The following CDKL5 variants were observed in gnomAD, a reference collection of about 807,000 sequenced individuals.
The protein encoded by CDKL5 is cyclin dependent kinase like 5.
A neutral mutation model predicts 61.7 loss-of-function variants in CDKL5; 8 were observed. The ratio of observed to expected loss-of-function variants is 0.13; its 90% CI spans 0.08 to 0.23. CDKL5 has a LOEUF of 0.23. CDKL5 is among the 10% of genes least tolerant of loss of function. The probability of loss-of-function intolerance (pLI) is 1.00; values close to 1 mark genes in which losing one functional copy is unlikely to be tolerated. For synonymous variants in CDKL5, 275 were observed against 272.3 expected (o/e 1.01, Z -0.10); for missense variants, 440 against 734.5 (o/e 0.60, Z 4.63).
intron 3 of CDKL5, among the ~76,000 whole-genome samples, chrX:18,541,958 C>G (rs1394198106): frequency 8.9e-6 from 1 of 111,943 alleles, no homozygotes; most frequent in Non-Finnish European, 1.9e-5. Flanking sequence ...ATTCTAACAT[C>G]TCTACAGTCT....
chrX:18,484,440 C>T (rs1921712645), intron 1 of CDKL5, among the ~76,000 whole-genome samples: 1 of 109,805 alleles, frequency 9.1e-6, no homozygotes, highest in Non-Finnish European at 1.9e-5. Flanking sequence ...GCCTCAGCCT[C>T]CTGAGTAGCT....
chrX:18,468,508 C>T (rs1260938622), intron 1 of CDKL5, among the ~76,000 whole-genome samples: 2 of 111,914 alleles, frequency 1.8e-5, no homozygotes, highest in African/African-American at 3.2e-5. Flanking sequence ...AGGGATCCAG[C>T]GGTGGGCCTT....
In CDKL5 at chrX:18,635,060, G is replaced by A. The variant is rs759402514; in HGVS notation, c.*6303G>A. 1.4e-4 allele frequency: 106 copies of A among 743,562 alleles called. No homozygotes were observed. The highest frequency in any genetic ancestry group is 1.6e-4 in the Non-Finnish European group (103 of 633,570). The allele number at this position is 743,562 out of a possible 1,213,427, so 61.3% of individuals were successfully genotyped here. On this transcript the variant is annotated 3_prime_UTR_variant, in exon 18 of 18. Coordinates refer to ENST00000623535, the MANE Select transcript of CDKL5 (RefSeq NM_001323289.2). ...ATTCCATACTTTTTACTGTGGCAAGGGTGTGATGTGATTGTTAATCTTTTT... is the reference window on the plus strand; with the variant it reads ...ATTCCATACTTTTTACTGTGGCAAGAGTGTGATGTGATTGTTAATCTTTTT...
intron 1 of CDKL5, among the ~76,000 whole-genome samples, chrX:18,495,955 C>G (rs777349385): frequency 1.8e-5 from 2 of 112,287 alleles, no homozygotes; most frequent in South Asian, 7.4e-4. Context: ...AGAGCAGGAG[C>G]ATGGTCCATG....
intron 20 of CDKL5, chrX:18,647,459 G>C: frequency 2.9e-6 from 2 of 690,776 alleles, no homozygotes; most frequent in South Asian, 4.7e-5. Flanking sequence ...ACCTGTCTCT[G>C]TGGTTCACAA....
chrX:18,557,144 G>A (rs1034317711), intron 3 of CDKL5, among the ~76,000 whole-genome samples: 2 of 111,450 alleles, frequency 1.8e-5, no homozygotes, highest in Admixed American at 9.6e-5. Context: ...ATGAATTGTA[G>A]ACTATAGATG....
At chrX:18,478,044 G>A (rs747470492) in intron 1 of CDKL5, among the ~76,000 whole-genome samples, 15 of 111,120 alleles carry the variant, frequency 1.3e-4, no homozygotes, top group African/African-American at 4.9e-4. Context: ...ACTGTCTAGT[G>A]TCACTTGTTT....
At chrX:18,590,151 A>G (rs1925781824) in intron 9 of CDKL5, among the ~76,000 whole-genome samples, 1 of 111,291 alleles carries the variant, frequency 9.0e-6, no homozygotes, top group Non-Finnish European at 1.9e-5. Context: ...ATTAGATCCC[A>G]TTTGTCAATT....
chrX:18,558,616 C>G (rs1485534108), intron 3 of CDKL5, among the ~76,000 whole-genome samples: 1 of 111,752 alleles, frequency 8.9e-6, no homozygotes, highest in Non-Finnish European at 1.9e-5. Flanking sequence ...AAAACATAGT[C>G]TTGAACATCA....
At chrX:18,624,013 T>C in intron 16 of CDKL5, 1 of 749,548 alleles carries the variant, frequency 1.3e-6, no homozygotes, top group Non-Finnish European at 1.6e-6. Context: ...TACCCGTTTT[T>C]ATGTATGGTA....
intron 1 of CDKL5, among the ~76,000 whole-genome samples, chrX:18,463,939 A>C (rs1932344983): frequency 9.0e-6 from 1 of 111,613 alleles, no homozygotes; most frequent in African/African-American, 3.3e-5. Flanking sequence ...AAGATGTGGA[A>C]TAGTTTGCCC....
In CDKL5 at chrX:18,634,315, CA is replaced by C; in HGVS notation, c.*5559del. ...CCCAAAAGTCTGATCTGATTTCTTT[CA>C]GGGGTAGACAAGCTTGTCCTAGTGC... On this transcript the variant is annotated 3_prime_UTR_variant, in exon 18 of 18. Transcript: ENST00000623535. 2 of 753,736 alleles carry C rather than the reference CA, an allele frequency of 2.7e-6. No individual in the cohort carries two copies. The highest frequency in any genetic ancestry group is 4.6e-5 in the African/African-American group (2 of 43,669). The allele number at this position is 753,736 out of a possible 1,213,427, so 62.1% of individuals were successfully genotyped here.
intron 17 of CDKL5, among the ~76,000 whole-genome samples, chrX:18,627,965 C>G (rs772214351): frequency 9.0e-6 from 1 of 111,025 alleles, no homozygotes; most frequent in South Asian, 3.8e-4. Context: ...TGGCTGTGTA[C>G]CTAAGTTCTA....
chrX:18,611,638 T>A (rs1440075629), intron 14 of CDKL5, among the ~76,000 whole-genome samples: 1 of 111,000 alleles, frequency 9.0e-6, no homozygotes, highest in African/African-American at 3.3e-5. Context: ...AGATTTAAGT[T>A]AGTTAGTCTT....
intron 4 of CDKL5, among the ~76,000 whole-genome samples, chrX:18,566,031 A>G (rs984427352): frequency 1.8e-5 from 2 of 112,245 alleles, no homozygotes; most frequent in Non-Finnish European, 3.8e-5. Flanking sequence ...CAACCTTCGC[A>G]TGCATGTAAA....
At chrX:18,585,163 G>A (rs1429391352) in intron 8 of CDKL5, among the ~76,000 whole-genome samples, 1 of 111,760 alleles carries the variant, frequency 8.9e-6, no homozygotes, top group Non-Finnish European at 1.9e-5. Flanking sequence ...GGAGGCCAAA[G>A]CCAGCAGATC....
chrX:18,648,931 C>T (rs1205169711), intron 20 of CDKL5, among the ~76,000 whole-genome samples: 2 of 108,847 alleles, frequency 1.8e-5, no homozygotes, highest in African/African-American at 6.7e-5. Flanking sequence ...GTCTATAGTC[C>T]CAGCTACCGG....
intron 9 of CDKL5, among the ~76,000 whole-genome samples, chrX:18,592,872 T>C (rs1192644677): frequency 8.9e-6 from 1 of 112,071 alleles, no homozygotes; most frequent in Non-Finnish European, 1.9e-5. Context: ...CTACAAGATG[T>C]TGCTATAGTG....
intron 1 of CDKL5, among the ~76,000 whole-genome samples, chrX:18,461,881 A>G (rs962119891): frequency 4.5e-5 from 5 of 111,547 alleles, no homozygotes; most frequent in African/African-American, 9.8e-5. Context: ...AATTGTCACT[A>G]GAATTGGAAA....
Sources: gnomAD v4.1 joint callset for allele counts (sites outside exome capture counted in the v4.1 genomes callset) on GRCh38, gnomAD v4.1.1 for gene constraint, MANE v1.5 for transcripts, NCBI Gene and HGNC (gene_info 2026-07-23, HGNC 2026-07-21) for gene names.